Variants in UPF2 observed in about 807,000 individuals in gnomAD.
UPF2 encodes the protein UPF2 regulator of nonsense mediated mRNA decay.
A neutral mutation model predicts 141.4 loss-of-function variants in UPF2; 17 were observed. The observed-to-expected ratio is 0.12, with a 90% CI of 0.08 to 0.18. The LOEUF is 0.18. UPF2 is among the 10% of genes least tolerant of loss of function. The pLI, the probability that UPF2 is intolerant of heterozygous loss-of-function variation, is 1.00. For missense variants in UPF2, 1,152 were observed against 1,515.9 expected (o/e 0.76, Z 3.99); for synonymous variants, 540 against 498.0 (o/e 1.08, Z -1.12).
intron 16 of UPF2, among the ~76,000 whole-genome samples, chr10:11,943,389 T>C (rs1241539454): frequency 2.6e-5 from 4 of 152,194 alleles, no homozygotes; most frequent in Non-Finnish European, 5.9e-5. Flanking sequence ...GATCTAACAA[T>C]ACAGAGATCT....
chr10:11,968,272 A>G (rs1252293975), intron 9 of UPF2, among the ~76,000 whole-genome samples: 1 of 152,210 alleles, frequency 6.6e-6, no homozygotes, highest in Admixed American at 6.5e-5. Flanking sequence ...GTGCTCTGCA[A>G]AACAGTTCCA....
chr10:11,949,940 A>C (rs1439316212), intron 15 of UPF2, among the ~76,000 whole-genome samples: 10 of 152,252 alleles, frequency 6.6e-5, no homozygotes, highest in African/African-American at 2.4e-4. Context: ...GCACATAGAT[A>C]CAAATGAATA....
chr10:11,987,099 G>A (rs1044721551), intron 8 of UPF2, among the ~76,000 whole-genome samples: 2 of 152,206 alleles, frequency 1.3e-5, no homozygotes, highest in African/African-American at 4.8e-5. Flanking sequence ...TTAAATATTG[G>A]CTTAGGTGAG....
chr10:11,977,491 T>A (rs1192013803), intron 9 of UPF2, among the ~76,000 whole-genome samples: 1 of 152,208 alleles, frequency 6.6e-6, no homozygotes, highest in East Asian at 1.9e-4. Context: ...CATTTTCAAA[T>A]GAGAGAGTAC....
intron 12 of UPF2, among the ~76,000 whole-genome samples, chr10:11,957,557 C>A (rs1038462205): frequency 6.6e-6 from 1 of 152,002 alleles, no homozygotes; most frequent in African/African-American, 2.4e-5. Flanking sequence ...GCTCTGTCAT[C>A]CAGGCTGGAG....
intron 8 of UPF2, among the ~76,000 whole-genome samples, chr10:11,994,975 C>CAAAAAAAAAAAAAAAAAAAAA (rs60922532): frequency 5.8e-5 from 3 of 51,356 alleles, no homozygotes; most frequent in Middle Eastern, 0.024. Flanking sequence ...GACTCCATCT[C>CAAAAAAAAAAAAAAAAAAAAA]AAAAAAAAAA....
chr10:11,924,917 C>T (rs1316862348), intron 21 of UPF2, among the ~76,000 whole-genome samples: 2 of 152,106 alleles, frequency 1.3e-5, no homozygotes, highest in East Asian at 1.9e-4. Flanking sequence ...CTCCCAGGTT[C>T]GAGTGATTCT....
chr10:11,928,276 G>A (rs1656176992), intron 21 of UPF2, among the ~76,000 whole-genome samples: 2 of 152,114 alleles, frequency 1.3e-5, no homozygotes, highest in Admixed American at 6.5e-5. Context: ...GGTAGAGGTT[G>A]CAGAGAGCCA....
At chr10:11,990,989 CAAAAAAA>C (rs34436794) in intron 8 of UPF2, among the ~76,000 whole-genome samples, 1 of 93,250 alleles carries the variant, frequency 1.1e-5, no homozygotes, top group African/African-American at 3.6e-5. Flanking sequence ...GACTCCATCT[CAAAAAAA>C]AAAAAAAAAA....
At chr10:12,028,527 T>C (rs1834459471) in intron 3 of UPF2, among the ~76,000 whole-genome samples, 3 of 152,174 alleles carry the variant, frequency 2.0e-5, no homozygotes, top group African/African-American at 7.2e-5. Context: ...ACCATCTACT[T>C]GGCAGATTTT....
Position 11,940,834 on chromosome 10 carries a change from C to A in UPF2, c.3378+1831G>T, listed in dbSNP as rs528987947. On this transcript the variant is annotated intron_variant, in intron 18 of 21. Transcript: ENST00000357604. The surrounding 1 kb of genome is among the most constrained non-coding windows in gnomAD (Gnocchi z 4.2). Reference sequence around the variant, plus strand: ...TGCCCTCCCACACAGGATTGTGCCCCGCCCTCTATTAGTGCTGGCCGCCTT... The same window carrying A: ...TGCCCTCCCACACAGGATTGTGCCCAGCCCTCTATTAGTGCTGGCCGCCTT... Among the ~76,000 whole-genome samples, 1 of 152,294 alleles carries A rather than the reference C, an allele frequency of 6.6e-6. No individual in the cohort carries two copies. Among genetic ancestry groups the A allele is most frequent in the East Asian group, 1.9e-4 (1 of 5,188 alleles).
chr10:12,028,649 T>C, intron 3 of UPF2, 96 bp downstream of exon 3: 1 of 1,326,522 alleles, frequency 7.5e-7, no homozygotes, highest in Non-Finnish European at 1.0e-6. Context: ...AAGGAGCCCT[T>C]TTCCATAAGT....
At chr10:11,999,825 C>A in intron 7 of UPF2, 81 bp downstream of exon 7, 1 of 1,184,168 alleles carries the variant, frequency 8.4e-7, no homozygotes, top group Admixed American at 1.8e-5. Context: ...CTCAAACAGT[C>A]TAAAAACCAT....
intron 9 of UPF2, among the ~76,000 whole-genome samples, chr10:11,976,235 T>C (rs1417989090): frequency 6.6e-6 from 1 of 152,184 alleles, no homozygotes; most frequent in African/African-American, 2.4e-5. Flanking sequence ...GGGAAAAACA[T>C]ACCAGACTGC....
In UPF2 at chr10:12,014,352, A is replaced by G. The variant is rs908707288; in HGVS notation, c.1146-168T>C. ...TTTTCAAAATGTATCTGAAATGTAT[A>G]ATGAAATTCACCTGAACATTTAAAT... On this transcript the variant is annotated intron_variant, in intron 3 of 21. Coordinates refer to ENST00000357604, the MANE Select transcript of UPF2 (RefSeq NM_015542.4). The surrounding 1 kb of genome is among the most constrained non-coding windows in gnomAD (Gnocchi z 5.0). Among the ~76,000 whole-genome samples the G allele has an allele frequency of 6.6e-6, 1 of 152,244 alleles. No individual in the cohort carries two copies. The highest frequency in any genetic ancestry group is 2.4e-5 in the African/African-American group (1 of 41,472).
intron 8 of UPF2, among the ~76,000 whole-genome samples, chr10:11,996,741 C>T (rs1833870687): frequency 6.6e-6 from 1 of 152,216 alleles, no homozygotes; most frequent in African/African-American, 2.4e-5. Context: ...CACATTCCCT[C>T]TCCCTTGCCC....
At position 11,931,468 on chromosome 10, in the gene UPF2, G is replaced by A. The variant is rs1464094237; in HGVS notation, c.3688+173C>T. ...TAATTTAATTAGAGCAAAATATGGT[G>A]AAAATTATATTATTGTTATTTTACA... On this transcript the variant is annotated intron_variant, in intron 20 of 21. Transcript: ENST00000357604. The surrounding 1 kb of genome is among the most constrained non-coding windows in gnomAD (Gnocchi z 5.9). 6.6e-6 allele frequency among the ~76,000 whole-genome samples: 1 copy of A among 151,930 alleles called. No individual in the cohort carries two copies. Among genetic ancestry groups the A allele is most frequent in the Admixed American group, 6.6e-5 (1 of 15,266 alleles).
chr10:11,993,703 C>T (rs1833819753), intron 8 of UPF2, among the ~76,000 whole-genome samples: 1 of 152,022 alleles, frequency 6.6e-6, no homozygotes, highest in African/African-American at 2.4e-5. Flanking sequence ...CTGGGCACAG[C>T]GGCTCATGCC....
chr10:12,024,952 A>AC (rs1834391779), intron 3 of UPF2, among the ~76,000 whole-genome samples: 2 of 150,238 alleles, frequency 1.3e-5, no homozygotes, highest in African/African-American at 4.9e-5. Flanking sequence ...AAAAAAAAAA[A>AC]AAAAACACAG....
Sources: gnomAD v4.1 joint callset for allele counts (sites outside exome capture counted in the v4.1 genomes callset) on GRCh38, gnomAD v4.1.1 for gene constraint, Gnocchi (gnomAD v3.1) non-coding constraint, MANE v1.5 for transcripts, NCBI Gene and HGNC (gene_info 2026-07-23, HGNC 2026-07-21) for gene names.